Variants in HHAT observed in about 807,000 individuals in gnomAD.
HHAT encodes hedgehog acyltransferase, also known as protein-cysteine N-palmitoyltransferase HHAT.
In HHAT, 47 loss-of-function variants were observed where a neutral mutation model predicts 70.8. The ratio of observed to expected loss-of-function variants is 0.66; its 90% CI spans 0.53 to 0.85. HHAT has a LOEUF of 0.85. Ranked by LOEUF, HHAT falls within the 40% of genes least tolerant of loss-of-function variation. The pLI is 0.00. For missense variants in HHAT, 609 were observed against 604.8 expected, an observed-to-expected ratio of 1.01 and a Z score of -0.07; for synonymous variants, 228 against 247.6, an observed-to-expected ratio of 0.92 and a Z score of 0.74.
At chr1:210,603,734 A>T (rs1426374763) in intron 10 of HHAT, among the ~76,000 whole-genome samples, 1 of 152,238 alleles carries the variant, frequency 6.6e-6, no homozygotes, top group Non-Finnish European at 1.5e-5. Context: ...TAAGGCAGAG[A>T]TGTGCAGGAC....
intron 9 of HHAT, among the ~76,000 whole-genome samples, chr1:210,522,411 G>C (rs1309524073): frequency 6.6e-6 from 1 of 152,204 alleles, no homozygotes; most frequent in African/African-American, 2.4e-5. Context: ...AAAAAGTGAA[G>C]AACATGTAAG....
At chr1:210,494,848 G>A (rs1050530004) in intron 8 of HHAT, among the ~76,000 whole-genome samples, 1 of 152,050 alleles carries the variant, frequency 6.6e-6, no homozygotes, top group African/African-American at 2.4e-5. Context: ...CACTGTGCCC[G>A]GCGTGAAATT....
chr1:210,501,369 G>A (rs1308788281), intron 8 of HHAT, among the ~76,000 whole-genome samples: 1 of 152,214 alleles, frequency 6.6e-6, no homozygotes, highest in Non-Finnish European at 1.5e-5. Context: ...CAGCAGCTTT[G>A]CCCTGCTTCA....
intron 8 of HHAT, among the ~76,000 whole-genome samples, chr1:210,466,450 C>T (rs1237482182): frequency 2.0e-5 from 3 of 152,204 alleles, no homozygotes; most frequent in Non-Finnish European, 2.9e-5. Flanking sequence ...TTTTGATTTA[C>T]TCATCAAAGT....
chr1:210,332,575 T>A (rs1352949440), intron 1 of HHAT, among the ~76,000 whole-genome samples: 1 of 152,274 alleles, frequency 6.6e-6, no homozygotes, highest in Non-Finnish European at 1.5e-5. Flanking sequence ...AGAATGATAC[T>A]CTCATTGCAG....
chr1:210,493,431 G>A (rs1022819301), intron 8 of HHAT, among the ~76,000 whole-genome samples: 3 of 152,130 alleles, frequency 2.0e-5, no homozygotes, highest in African/African-American at 7.2e-5. Context: ...TTTCTCTTAA[G>A]GCCTTCAACT....
intron 7 of HHAT, chr1:210,463,072 G>C (rs1187633427): frequency 6.6e-6 from 1 of 151,998 alleles, no homozygotes; most frequent in Non-Finnish European, 1.5e-5. Flanking sequence ...GCCTTCTTGT[G>C]GGCACTGCTG....
At position 210,671,248 on chromosome 1, in the gene HHAT, C is replaced by T. The variant is rs1680017457; in HGVS notation, c.1391-3040C>T. Among the ~76,000 whole-genome samples the T allele has an allele frequency of 1.3e-5, 2 of 152,334 alleles. 1 individual carries two copies. The highest frequency in any genetic ancestry group is 4.1e-4 in the South Asian group (2 of 4,828). On this transcript the variant is annotated intron_variant, in intron 11 of 11. Coordinates refer to ENST00000261458, the MANE Select transcript of HHAT (RefSeq NM_018194.6). ...AACACTGCTGATGCCTCACTCCAAA[C>T]ACAGCTGGAGTCCAGGAGTGCTTTC...
chr1:210,523,625 CGT>C (rs2095197072), intron 9 of HHAT, among the ~76,000 whole-genome samples: 1 of 152,148 alleles, frequency 6.6e-6, no homozygotes, highest in East Asian at 1.9e-4. Context: ...CGCGCGCACA[CGT>C]GCGCATGTGT....
chr1:210,580,870 T>A (rs1276739545), intron 9 of HHAT, among the ~76,000 whole-genome samples: 4 of 152,188 alleles, frequency 2.6e-5, no homozygotes, highest in African/African-American at 7.2e-5. Flanking sequence ...CAAATGGTAT[T>A]TCTGGTTCTA....
intron 7 of HHAT, among the ~76,000 whole-genome samples, chr1:210,448,555 C>T (rs1418662642): frequency 6.6e-6 from 1 of 152,104 alleles, no homozygotes; most frequent in Non-Finnish European, 1.5e-5. Flanking sequence ...TTCAGCCTCT[C>T]CAGGGCAATT....
At chr1:210,505,049 C>T (rs560393972) in intron 8 of HHAT, among the ~76,000 whole-genome samples, 2 of 152,188 alleles carry the variant, frequency 1.3e-5, no homozygotes, top group Non-Finnish European at 2.9e-5. Flanking sequence ...CAGGTGCCCA[C>T]CACTACACCC....
chr1:210,648,580 A>G (rs1033463907), intron 11 of HHAT, among the ~76,000 whole-genome samples: 4 of 152,168 alleles, frequency 2.6e-5, no homozygotes, highest in African/African-American at 4.8e-5. Flanking sequence ...TCCGTATCCA[A>G]TCTGCTTATT....
intron 7 of HHAT, among the ~76,000 whole-genome samples, chr1:210,430,239 G>T (rs558231128): frequency 6.6e-6 from 1 of 151,832 alleles, no homozygotes; most frequent in African/African-American, 2.4e-5. Context: ...GGAACTGAAA[G>T]ATATCCCAGT....
chr1:210,447,309 G>C (rs917806599), intron 7 of HHAT, among the ~76,000 whole-genome samples: 6 of 152,174 alleles, frequency 3.9e-5, no homozygotes, highest in Non-Finnish European at 7.3e-5. Flanking sequence ...ATCTCTACTG[G>C]TTTATTACAA....
At chr1:210,437,655 AG>A (rs1310357474) in intron 7 of HHAT, among the ~76,000 whole-genome samples, 1 of 151,796 alleles carries the variant, frequency 6.6e-6, no homozygotes, top group African/African-American at 2.4e-5. Flanking sequence ...TGATGTGCAC[AG>A]GCCATGCTAC....
chr1:210,386,230 C>CTTTTTTTTTTTTTTTTTTTTTTTTTTTT (rs869305965), intron 3 of HHAT, among the ~76,000 whole-genome samples: 7 of 69,920 alleles, frequency 1.0e-4, no homozygotes, highest in African/African-American at 4.4e-4. Context: ...TTCTTTTTTT[C>CTTTTTTTTTTTTTTTTTTTTTTTTTTTT]TTTTTTTTTT....
At chr1:210,572,024 C>T (rs1281539017) in intron 9 of HHAT, among the ~76,000 whole-genome samples, 1 of 152,186 alleles carries the variant, frequency 6.6e-6, no homozygotes, top group African/African-American at 2.4e-5. Context: ...CTTACCGGCC[C>T]ATTGTTTCCT....
intron 11 of HHAT, among the ~76,000 whole-genome samples, chr1:210,645,545 A>G (rs144066519): frequency 1.0e-3 from 157 of 152,342 alleles, no homozygotes; most frequent in African/African-American, 3.7e-3. Flanking sequence ...AGTACTGGAT[A>G]GTATTCAACA....
Sources: allele counts gnomAD v4.1 joint callset (sites outside exome capture counted in the v4.1 genomes callset), GRCh38; gene constraint gnomAD v4.1.1; transcripts MANE v1.5; gene names NCBI Gene and HGNC (gene_info 2026-07-23, HGNC 2026-07-21).